The following SNX24 variants were observed in gnomAD, a reference collection of about 807,000 sequenced individuals.
SNX24 encodes sorting nexin 24, also known as sorting nexin-24.
SNX24 carries 22 observed loss-of-function variants against 28.7 expected under a neutral mutation model. The observed-to-expected ratio is 0.77, with a 90% CI of 0.55 to 1.10. SNX24 has a LOEUF of 1.10. SNX24 is among the 50% of genes least tolerant of loss of function. SNX24 has a pLI of 0.00. For synonymous variants in SNX24, 69 were observed against 71.5 expected (o/e 0.96, Z 0.18); for missense variants, 221 against 201.1 (o/e 1.10, Z -0.60).
intron 5 of SNX24, among the ~76,000 whole-genome samples, chr5:123,026,893 A>G (rs994134865): frequency 6.6e-6 from 1 of 152,272 alleles, no homozygotes; most frequent in Admixed American, 6.5e-5. Flanking sequence ...ATTCTGATTC[A>G]GTTAGAAAAC....
At chr5:122,846,199 TTTTGAG>T (rs1341992677) in intron 1 of SNX24, among the ~76,000 whole-genome samples, 1 of 152,080 alleles carries the variant, frequency 6.6e-6, no homozygotes, top group Non-Finnish European at 1.5e-5. Flanking sequence ...AGATTTTTCT[TTTTGAG>T]TTGTGCAGTT....
chr5:122,975,227 T>A (rs1303016853), intron 3 of SNX24, among the ~76,000 whole-genome samples: 1 of 152,228 alleles, frequency 6.6e-6, no homozygotes, highest in Non-Finnish European at 1.5e-5. Flanking sequence ...ATGTCACCCA[T>A]CTGGGCTCCC....
Position 122,916,936 on chromosome 5 carries a change from A to T in SNX24, c.61-19798A>T, listed in dbSNP as rs59338477. The stretch of plus-strand genomic sequence containing the variant: ...TTAATTCTGTTATTGAGATCTAGAA[A>T]ACCTCACTACATTCCTTCTACTCAT... On this transcript the variant is annotated intron_variant, in intron 1 of 6. Coordinates refer to ENST00000261369, the MANE Select transcript of SNX24 (RefSeq NM_014035.4). 9.9e-3 allele frequency among the ~76,000 whole-genome samples: 1,500 copies of T among 152,272 alleles called. 25 individuals are homozygous for T. The highest frequency in any genetic ancestry group is 0.034 in the African/African-American group (1,416 of 41,538).
chr5:122,902,853 A>G (rs1333336997), intron 1 of SNX24, among the ~76,000 whole-genome samples: 1 of 152,054 alleles, frequency 6.6e-6, no homozygotes, highest in African/African-American at 2.4e-5. Context: ...CCTCCTTTTG[A>G]TGACTGTCTT....
chr5:123,005,969 T>C (rs418229), intron 6 of SNX24, among the ~76,000 whole-genome samples: 33,908 of 152,174 alleles, frequency 0.22, 4,820 homozygotes, highest in Non-Finnish European at 0.33. Flanking sequence ...TTTTCTAAGA[T>C]ATAGTTTGTG....
rs1180422416 is a variant in SNX24, at chr5:122,936,736, G to T, written c.63G>T (p.Val21=). 1.3e-6 allele frequency: 2 copies of T among 1,572,288 alleles called. No homozygotes were observed. Among genetic ancestry groups the T allele is most frequent in the East Asian group, 2.2e-5 (1 of 44,514 alleles). ...EESDLERGYT[V]FKIEVLMNGR... ...AATCTTTTAAATTTTTTCCTCAGGT[G>T]TTTAAGATAGAAGTGCTAATGAATG... Residue 21 remains valine, a splice_region_variant and synonymous_variant, in exon 2 of 7, where the codon GTG becomes GTT. Coordinates refer to ENST00000261369, the MANE Select transcript of SNX24 (RefSeq NM_014035.4).
At chr5:122,890,890 C>T in intron 1 of SNX24, 1 of 896,956 alleles carries the variant, frequency 1.1e-6, no homozygotes, top group Non-Finnish European at 1.5e-6. Context: ...TTTTTTGTAC[C>T]TTTTCAGAAA....
At chr5:122,861,425 A>G (rs1418693737) in intron 1 of SNX24, among the ~76,000 whole-genome samples, 2 of 152,246 alleles carry the variant, frequency 1.3e-5, no homozygotes, top group African/African-American at 2.4e-5. Context: ...TCAAAAGGTC[A>G]TTCCATCATT....
chr5:122,879,865 A>G (rs1186804355), intron 1 of SNX24, among the ~76,000 whole-genome samples: 1 of 152,176 alleles, frequency 6.6e-6, no homozygotes, highest in African/African-American at 2.4e-5. Context: ...TAGCTATGTT[A>G]TAGGGTTGTT....
intron 1 of SNX24, among the ~76,000 whole-genome samples, chr5:122,870,262 A>G (rs1755912693): frequency 1.3e-5 from 2 of 152,158 alleles, no homozygotes; most frequent in African/African-American, 2.4e-5. Flanking sequence ...GAAATTTAGG[A>G]TAATCTTTTG....
At chr5:122,908,573 ATAAT>A (rs2150086582) in intron 1 of SNX24, among the ~76,000 whole-genome samples, 1 of 152,374 alleles carries the variant, frequency 6.6e-6, no homozygotes, top group African/African-American at 2.4e-5. Flanking sequence ...AATATAAAAA[ATAAT>A]TAGTTGCTGT....
intron 3 of SNX24, among the ~76,000 whole-genome samples, chr5:122,972,627 C>T (rs945388407): frequency 3.3e-5 from 5 of 152,180 alleles, no homozygotes; most frequent in Non-Finnish European, 7.3e-5. Context: ...TGATCAGAGG[C>T]AGTGCTGTGT....
chr5:122,949,603 G>C (rs1222239585), intron 3 of SNX24, among the ~76,000 whole-genome samples: 3 of 152,154 alleles, frequency 2.0e-5, no homozygotes, highest in African/African-American at 7.2e-5. Context: ...AACTTCTGCC[G>C]TTCTAGAGAT....
chr5:122,852,758 C>A (rs1299939159), intron 1 of SNX24, among the ~76,000 whole-genome samples: 4 of 152,098 alleles, frequency 2.6e-5, no homozygotes, highest in African/African-American at 9.7e-5. Context: ...AGAGGAATTC[C>A]AGTGCCAATT....
At chr5:122,868,897 A>G (rs1662114554) in intron 1 of SNX24, among the ~76,000 whole-genome samples, 1 of 152,240 alleles carries the variant, frequency 6.6e-6, no homozygotes, top group African/African-American at 2.4e-5. Flanking sequence ...CATAAAATTA[A>G]TTATTGTACC....
intron 1 of SNX24, among the ~76,000 whole-genome samples, chr5:122,848,441 T>A (rs1484868668): frequency 6.0e-5 from 9 of 150,764 alleles, no homozygotes; most frequent in Admixed American, 1.3e-4. Flanking sequence ...TGGTGGCTCA[T>A]GCCTGTAATC....
At chr5:122,886,424 T>C (rs1206292848) in intron 1 of SNX24, among the ~76,000 whole-genome samples, 1 of 152,226 alleles carries the variant, frequency 6.6e-6, no homozygotes, top group Non-Finnish European at 1.5e-5. Context: ...GTCTTTTCCA[T>C]GTATCTTGCC....
At chr5:122,915,295 C>T (rs1176541889) in intron 1 of SNX24, among the ~76,000 whole-genome samples, 1 of 152,192 alleles carries the variant, frequency 6.6e-6, no homozygotes, top group African/African-American at 2.4e-5. Context: ...TCCCTATTCA[C>T]CCTGAGCTCT....
At chr5:122,879,966 G>T (rs909212931) in intron 1 of SNX24, among the ~76,000 whole-genome samples, 17 of 152,150 alleles carry the variant, frequency 1.1e-4, no homozygotes, top group Admixed American at 1.1e-3. Context: ...AATGTTTAGG[G>T]TACTTTGAGT....
Sources: allele counts gnomAD v4.1 joint callset (sites outside exome capture counted in the v4.1 genomes callset), GRCh38; gene constraint gnomAD v4.1.1; transcripts MANE v1.5; gene names NCBI Gene and HGNC (gene_info 2026-07-23, HGNC 2026-07-21).